FAT3: variants seen among roughly 807,000 people sequenced by gnomAD.
The protein encoded by FAT3 is protocadherin Fat 3.
In FAT3, 95 loss-of-function variants were observed where a neutral mutation model predicts 310.2. The ratio of observed to expected loss-of-function variants is 0.31; its 90% CI spans 0.26 to 0.36. The LOEUF (loss-of-function observed/expected upper bound fraction) is 0.36, where lower values mean the gene tolerates loss of function less well. Ranked by LOEUF, FAT3 falls within the 10% of genes least tolerant of loss-of-function variation. The pLI is 1.00. For synonymous variants in FAT3, 2,314 were observed against 2,192.9 expected, an observed-to-expected ratio of 1.06 and a Z score of -1.54; for missense variants, 5,408 against 5,715.6, an observed-to-expected ratio of 0.95 and a Z score of 1.74.
chr11:92,848,146 C>T (rs1461014758), intron 19 of FAT3, among the ~76,000 whole-genome samples: 2 of 152,230 alleles, frequency 1.3e-5, no homozygotes, highest in African/African-American at 4.8e-5. Flanking sequence ...CTCCTCCCAA[C>T]TTCCAGCTCA....
At chr11:92,601,216 A>G (rs1475269005) in intron 3 of FAT3, among the ~76,000 whole-genome samples, 1 of 151,624 alleles carries the variant, frequency 6.6e-6, no homozygotes, top group African/African-American at 2.4e-5. Flanking sequence ...AGGAGTGGAG[A>G]TGAGAGTAAA....
At chr11:92,843,109 G>A (rs1463892647) in intron 18 of FAT3, among the ~76,000 whole-genome samples, 1 of 152,162 alleles carries the variant, frequency 6.6e-6, no homozygotes, top group African/African-American at 2.4e-5. Context: ...ATATGTAGTG[G>A]GTGACAGAGA....
At position 92,524,952 on chromosome 11, in the gene FAT3, A is replaced by G. The variant is rs1313973108; in HGVS notation, c.3607+4A>G. 6.2e-7 allele frequency: 1 copy of G among 1,611,540 alleles called. No individual in the cohort carries two copies. The highest frequency in any genetic ancestry group is 8.5e-7 in the Non-Finnish European group (1 of 1,178,424). ...TTTGCCATCAATATCAAAACAGGTA[A>G]GGGAATGCTTATATGACTTCTTTTT... On this transcript the variant is annotated splice_donor_region_variant and intron_variant, in intron 3 of 27. Coordinates refer to ENST00000525166, the MANE Select transcript of FAT3 (RefSeq NM_001367949.2).
intron 21 of FAT3, among the ~76,000 whole-genome samples, chr11:92,860,743 A>G (rs57788722): frequency 0.065 from 9,849 of 152,240 alleles, 1,073 homozygotes; most frequent in African/African-American, 0.22. Context: ...CAGGTGAGGA[A>G]GGAGAGAAAT....
chr11:92,353,261 G>A lies in FAT3; in HGVS notation c.1149G>A (p.Val383=), dbSNP rs267603239. 2 of 1,613,564 alleles carry A rather than the reference G, an allele frequency of 1.2e-6. No individual in the cohort carries two copies. The highest frequency in any genetic ancestry group is 1.7e-6 in the Non-Finnish European group (2 of 1,179,834). ...PIRFEKEVYD[V]SISEFSPPGV... Reference sequence around the variant, plus strand: ...GATTTGAAAAAGAAGTGTACGATGTGAGCATAAGTGAATTTTCCCCTCCTG... The same window carrying A: ...GATTTGAAAAAGAAGTGTACGATGTAAGCATAAGTGAATTTTCCCCTCCTG... The change falls in exon 2 of 28, where the codon GTG becomes GTA. Residue 383 remains valine (V), a synonymous_variant. Transcript: ENST00000525166.
chr11:92,690,419 A>G (rs2135886445), intron 3 of FAT3, among the ~76,000 whole-genome samples: 1 of 152,350 alleles, frequency 6.6e-6, no homozygotes, highest in Non-Finnish European at 1.5e-5. Context: ...TTTTCTTAAG[A>G]AAATTTAATA....
chr11:92,674,742 T>G (rs1254872943), intron 3 of FAT3, among the ~76,000 whole-genome samples: 1 of 152,056 alleles, frequency 6.6e-6, no homozygotes, highest in African/African-American at 2.4e-5. Flanking sequence ...TTGCTCAGCC[T>G]GGCCTCAAGC....
chr11:92,356,625 C>T (rs2134653888), intron 2 of FAT3, among the ~76,000 whole-genome samples: 1 of 152,204 alleles, frequency 6.6e-6, no homozygotes, highest in African/African-American at 2.4e-5. Context: ...GGCACTAATG[C>T]CATCATTAAG....
chr11:92,576,957 T>C (rs978128705), intron 3 of FAT3, among the ~76,000 whole-genome samples: 2 of 152,162 alleles, frequency 1.3e-5, no homozygotes, highest in African/African-American at 4.8e-5. Flanking sequence ...CACTATGCTG[T>C]ACACAGTTTA....
chr11:92,225,805 T>A (rs1358768482), intron 1 of FAT3, among the ~76,000 whole-genome samples: 1 of 152,118 alleles, frequency 6.6e-6, no homozygotes, highest in Non-Finnish European at 1.5e-5. Context: ...CGGCGGCGGC[T>A]CTTCGACTGG....
intron 7 of FAT3, among the ~76,000 whole-genome samples, chr11:92,782,521 A>G (rs1439565964): frequency 1.3e-5 from 2 of 152,186 alleles, no homozygotes; most frequent in East Asian, 1.9e-4. Context: ...GCAGTGAGCC[A>G]TGATCACACC....
intron 3 of FAT3, among the ~76,000 whole-genome samples, chr11:92,630,710 C>T (rs1052806335): frequency 6.6e-6 from 1 of 152,174 alleles, no homozygotes; most frequent in African/African-American, 2.4e-5. Flanking sequence ...GATGTGTTTT[C>T]TCCTCTGTGT....
At chr11:92,506,257 G>T (rs547063844) in intron 2 of FAT3, among the ~76,000 whole-genome samples, 1 of 152,276 alleles carries the variant, frequency 6.6e-6, no homozygotes, top group Non-Finnish European at 1.5e-5. Context: ...TCAAACTCTA[G>T]ATATGTGAAG....
At chr11:92,595,269 C>T (rs1939645713) in intron 3 of FAT3, among the ~76,000 whole-genome samples, 1 of 152,020 alleles carries the variant, frequency 6.6e-6, no homozygotes, top group African/African-American at 2.4e-5. Flanking sequence ...AGGAGGAGTC[C>T]ACATCCCCAT....
intron 6 of FAT3, among the ~76,000 whole-genome samples, chr11:92,765,812 AT>A (rs1946295056): frequency 6.7e-6 from 1 of 149,022 alleles, no homozygotes; most frequent in South Asian, 2.1e-4. Context: ...TTTGACTTTT[AT>A]TTCTTTGCTT....
chr11:92,876,799 A>G (rs7111740), intron 22 of FAT3, among the ~76,000 whole-genome samples: 105,864 of 152,142 alleles, frequency 0.7, 37,022 homozygotes, highest in Middle Eastern at 0.79. Flanking sequence ...AAACATCCAT[A>G]AGAGCATATG....
chr11:92,887,080 A>G lies in FAT3; in HGVS notation c.13018A>G (p.Ser4340Gly). 1 of 1,611,760 alleles carries G rather than the reference A, an allele frequency of 6.2e-7. No homozygotes were observed. The highest frequency in any genetic ancestry group is 8.5e-7 in the Non-Finnish European group (1 of 1,179,172). The stretch of plus-strand genomic sequence containing the variant: ...CAGCAACTCTGAAGTTCAGTCCCTC[A>G]GCTCCTTCCAGTCAGATTCTGGTGA... ...KGSNSEVQSL[S>G]SFQSDSGDDN... The change falls in exon 25 of 28, where the codon AGC (serine) becomes GGC (glycine). Residue 4340 changes from serine to glycine, a missense_variant. By Grantham distance (56) the Ser-to-Gly change is moderately conservative. Coordinates refer to ENST00000525166, the MANE Select transcript of FAT3 (RefSeq NM_001367949.2).
intron 3 of FAT3, among the ~76,000 whole-genome samples, chr11:92,692,142 G>A (rs1232997561): frequency 1.3e-5 from 2 of 152,080 alleles, no homozygotes; most frequent in African/African-American, 4.8e-5. Context: ...AGGCTATCAG[G>A]AATTGCTCTG....
intron 7 of FAT3, among the ~76,000 whole-genome samples, chr11:92,784,707 G>T (rs148952195): frequency 3.9e-4 from 59 of 152,216 alleles, no homozygotes; most frequent in African/African-American, 1.4e-3. Context: ...CTCACAAATG[G>T]CCCCGACTGT....
Sources: gnomAD v4.1 joint callset for allele counts (sites outside exome capture counted in the v4.1 genomes callset) on GRCh38, gnomAD v4.1.1 for gene constraint, MANE v1.5 for transcripts, NCBI Gene and HGNC (gene_info 2026-07-23, HGNC 2026-07-21) for gene names.